NUDCD2: variants seen among roughly 807,000 people sequenced by gnomAD.
The protein encoded by NUDCD2 is nudC domain-containing protein 2.
A neutral mutation model predicts 20.8 loss-of-function variants in NUDCD2; 16 were observed. That is an observed-to-expected ratio of 0.77 (90% CI 0.52 to 1.17). The LOEUF (loss-of-function observed/expected upper bound fraction) is 1.17. Among genes scored for constraint, NUDCD2 ranks in the 50% most tolerant of loss-of-function variants. The pLI, the probability that NUDCD2 is intolerant of heterozygous loss-of-function variation, is 0.00. For missense variants in NUDCD2, 199 were observed against 193.9 expected, an observed-to-expected ratio of 1.03 and a Z score of -0.16; for synonymous variants, 87 against 72.8, an observed-to-expected ratio of 1.20 and a Z score of -1.00.
rs1191733115 is a variant in NUDCD2 at position 163,450,260 on chromosome 5, CAAAAAAA to C, written c.*3700_*3706del. On this transcript the variant is annotated 3_prime_UTR_variant, in exon 4 of 4. Coordinates refer to ENST00000302764, the MANE Select transcript of NUDCD2 (RefSeq NM_145266.6). ...TGGGTGACAGAGTGAGAATGTGAGT[CAAAAAAA>C]GAAAAAAGAAAAATTCCTCATGACC... 2 of 151,414 alleles carry C rather than the reference CAAAAAAA, an allele frequency of 1.3e-5. No individual in the cohort carries two copies. Among genetic ancestry groups the C allele is most frequent in the Admixed American group, 6.6e-5 (1 of 15,198 alleles). The allele number at this position is 151,414 out of a possible 1,614,324, so 9.4% of individuals were successfully genotyped here.
In NUDCD2 at chr5:163,460,063, C is replaced by G. The variant is rs192464640; in HGVS notation, c.-13G>C. ...ACGGGGCCGACATAATCCAGTCCCT[C>G]CCGGCCGCGGCCGCACCAGGCGGAG... On this transcript the variant is annotated 5_prime_UTR_variant, in exon 1 of 4. Transcript: ENST00000302764. 2,480 of 1,537,726 alleles carry G rather than the reference C, an allele frequency of 1.6e-3. 37 individuals carry two copies. The African/African-American group carries it at 0.031, about 19-fold the overall frequency.
chr5:163,459,719 C>T, intron 1 of NUDCD2, 143 bp downstream of exon 1: 1 of 640,826 alleles, frequency 1.6e-6, no homozygotes, highest in South Asian at 2.2e-5. Flanking sequence ...GGGCTCTGAC[C>T]AGACCCAAAC....
rs1758122742 is a variant in NUDCD2 at position 163,449,513 on chromosome 5, C to A, written c.*4454G>T. The stretch of plus-strand genomic sequence containing the variant: ...CCTCATGTTCATGGATTGGAAGACA[C>A]AAAATTGCATTCAAAACCCCAGTAG... On this transcript the variant is annotated 3_prime_UTR_variant, in exon 4 of 4. Coordinates refer to ENST00000302764, the MANE Select transcript of NUDCD2 (RefSeq NM_145266.6). 6.6e-6 allele frequency: 1 copy of A among 152,116 alleles called. No homozygotes were observed. The highest frequency in any genetic ancestry group is 1.5e-5 in the Non-Finnish European group (1 of 68,034). The allele number at this position is 152,116 out of a possible 1,614,324, so 9.4% of individuals were successfully genotyped here.
In NUDCD2 at chr5:163,451,008, G is replaced by A. The variant is rs1758163065; in HGVS notation, c.*2959C>T. ...GCTCGAATATAGATGAACCTCTTAA[G>A]ACATGTAAAGTGAAGGAAGCCAGTA... On this transcript the variant is annotated 3_prime_UTR_variant, in exon 4 of 4. Coordinates refer to ENST00000302764, the MANE Select transcript of NUDCD2 (RefSeq NM_145266.6). The A allele has an allele frequency of 6.6e-6, 1 of 152,166 alleles. No individual in the cohort carries two copies. The highest frequency in any genetic ancestry group is 1.5e-5 in the Non-Finnish European group (1 of 68,032). The allele number at this position is 152,166 out of a possible 1,614,324, so 9.4% of individuals were successfully genotyped here. A position where few individuals can be genotyped will look rare whatever the true frequency, so the allele number is the denominator to read the frequency against.
At position 163,457,979 on chromosome 5, in the gene NUDCD2, CTTTTTTTTTTTTTT is replaced by C. The variant is rs540496894; in HGVS notation, c.190-383_190-370del. On this transcript the variant is annotated intron_variant, in intron 1 of 3. Coordinates refer to ENST00000302764, the MANE Select transcript of NUDCD2 (RefSeq NM_145266.6). ...TCCTGCTAAAACTAAAAAATGTTGT[CTTTTTTTTTTTTTT>C]TTTTTTTTTTTTTGAGACAGAGTTT... is the stretch of plus-strand genomic sequence containing the variant. 3.8e-3 allele frequency among the ~76,000 whole-genome samples: 281 copies of C among 73,748 alleles called. 8 individuals are homozygous for C. The highest frequency in any genetic ancestry group is 0.016 in the African/African-American group (264 of 16,956). The allele number at this position is 73,748 out of a possible 152,430, so 48.4% of individuals were successfully genotyped here.
chr5:163,451,417 C>T lies in NUDCD2; in HGVS notation c.*2550G>A, dbSNP rs1312920587. The T allele has an allele frequency of 2.0e-5, 3 of 151,992 alleles. No homozygotes were observed. The highest frequency in any genetic ancestry group is 4.8e-5 in the African/African-American group (2 of 41,364). 9.4% of individuals were successfully genotyped at this position (151,992 alleles called of 1,614,324 possible). A position where few individuals can be genotyped will look rare whatever the true frequency, so the allele number is the denominator to read the frequency against. On this transcript the variant is annotated 3_prime_UTR_variant, in exon 4 of 4. Coordinates refer to ENST00000302764, the MANE Select transcript of NUDCD2 (RefSeq NM_145266.6). ...GGGTGTGTAGAGTACAAAGAGAGCA[C>T]GAGAGTTTTTACGGTGATTGAACTC...
In NUDCD2 at chr5:163,450,494, T is replaced by C. The variant is rs1179983837; in HGVS notation, c.*3473A>G. On this transcript the variant is annotated 3_prime_UTR_variant, in exon 4 of 4. Coordinates refer to ENST00000302764, the MANE Select transcript of NUDCD2 (RefSeq NM_145266.6). ...GACTCTTACTACCCAATAAGACAAC[T>C]AAAAAAATGGGTAAATAATTTGAAT... The C allele has an allele frequency of 6.6e-6, 1 of 151,818 alleles. No homozygotes were observed. Among genetic ancestry groups the C allele is most frequent in the Non-Finnish European group, 1.5e-5 (1 of 67,950 alleles). The allele number at this position is 151,818 out of a possible 1,614,324, so 9.4% of individuals were successfully genotyped here.
At chr5:163,455,145 G>GAA (rs543151722) in intron 3 of NUDCD2, among the ~76,000 whole-genome samples, 4 of 115,008 alleles carry the variant, frequency 3.5e-5, no homozygotes, top group Admixed American at 8.7e-5. Context: ...AAGTGACACA[G>GAA]AAAAAAAAAA....
Position 163,448,506 on chromosome 5 carries a change from T to G in NUDCD2, c.*5461A>C, listed in dbSNP as rs1758100183. On this transcript the variant is annotated 3_prime_UTR_variant, in exon 4 of 4. Coordinates refer to ENST00000302764, the MANE Select transcript of NUDCD2 (RefSeq NM_145266.6). The stretch of plus-strand genomic sequence containing the variant: ...AAATAAACCTCAATAAATTCTCTAT[T>G]TTTAAAAATTGAACCATTGTTTAAA... The G allele has an allele frequency of 6.6e-6, 1 of 152,144 alleles. No homozygotes were observed. The highest frequency in any genetic ancestry group is 2.4e-5 in the African/African-American group (1 of 41,456). 9.4% of individuals were successfully genotyped at this position (152,144 alleles called of 1,614,324 possible).
chr5:163,456,326 A>G (rs1266923799), intron 3 of NUDCD2, among the ~76,000 whole-genome samples: 1 of 152,238 alleles, frequency 6.6e-6, no homozygotes, highest in African/African-American at 2.4e-5. Flanking sequence ...TTTCTTTAAA[A>G]TAGAGAAAAA....
rs1379584228 is a variant in NUDCD2 at position 163,449,456 on chromosome 5, A to G, written c.*4511T>C. On this transcript the variant is annotated 3_prime_UTR_variant, in exon 4 of 4. Coordinates refer to ENST00000302764, the MANE Select transcript of NUDCD2 (RefSeq NM_145266.6). ...TGCTGAAAAATGACATAAAATGCTG[A>G]TAACTGAAATGAAAGAGGTCCTAAA... is the stretch of plus-strand genomic sequence containing the variant. 6.6e-6 allele frequency: 1 copy of G among 152,254 alleles called. No individual in the cohort carries two copies. Among genetic ancestry groups the G allele is most frequent in the Non-Finnish European group, 1.5e-5 (1 of 68,040 alleles). 9.4% of individuals were successfully genotyped at this position (152,254 alleles called of 1,614,324 possible).
Position 163,453,978 on chromosome 5 carries a change from G to C in NUDCD2, c.463C>G (p.Leu155Val). The change falls in exon 4 of 4, where the codon CTT becomes GTT. Residue 155 changes from leucine to valine, a missense_variant. Coordinates refer to ENST00000302764, the MANE Select transcript of NUDCD2 (RefSeq NM_145266.6). ...YTKGGPDFSN[L>V]EK is the part of the protein sequence containing the mutation. ...AGGAAAAAAAGCAGTTATTTCTCAA[G>C]GTTTGAGAAATCTGGTCCACCTTTA... 1 of 1,529,926 alleles carries C rather than the reference G, an allele frequency of 6.5e-7. No individual in the cohort carries two copies. Among genetic ancestry groups the C allele is most frequent in the Non-Finnish European group, 8.8e-7 (1 of 1,131,782 alleles). The allele number at this position is 1,529,926 out of a possible 1,614,324, so 94.8% of individuals were successfully genotyped here.
At position 163,449,793 on chromosome 5, in the gene NUDCD2, A is replaced by G. The variant is rs1758131156; in HGVS notation, c.*4174T>C. The stretch of plus-strand genomic sequence containing the variant: ...CAATTGATTTCTGACAAAGGTGAAA[A>G]GACAACTCAATGGGGAATGGAGAGT... On this transcript the variant is annotated 3_prime_UTR_variant, in exon 4 of 4. Coordinates refer to ENST00000302764, the MANE Select transcript of NUDCD2 (RefSeq NM_145266.6). The G allele has an allele frequency of 6.6e-6, 1 of 152,202 alleles. No individual in the cohort carries two copies. Among genetic ancestry groups the G allele is most frequent in the African/African-American group, 2.4e-5 (1 of 41,456 alleles). The allele number at this position is 152,202 out of a possible 1,614,324, so 9.4% of individuals were successfully genotyped here.
chr5:163,458,631 A>T (rs1339406902), intron 1 of NUDCD2, among the ~76,000 whole-genome samples: 1 of 152,088 alleles, frequency 6.6e-6, no homozygotes, highest in Admixed American at 6.6e-5. Flanking sequence ...CTAAACTCAA[A>T]TCCATTTTAA....
rs570218853 is a variant in NUDCD2 at position 163,448,547 on chromosome 5, T to A, written c.*5420A>T. 2.0e-5 allele frequency: 3 copies of A among 152,262 alleles called. No homozygotes were observed. The South Asian group carries it at 6.2e-4, about 31-fold the overall frequency. The allele number at this position is 152,262 out of a possible 1,614,324, so 9.4% of individuals were successfully genotyped here. On this transcript the variant is annotated 3_prime_UTR_variant, in exon 4 of 4. Transcript: ENST00000302764. ...ATTGTTTAAAACCTTACTAGCAAAT[T>A]CATAAAACATTTAAAGATATAACAA...
Position 163,459,934 on chromosome 5 carries a change from G to A in NUDCD2, c.117C>T (p.Arg39=), listed in dbSNP as rs141206788. 2.7e-5 allele frequency: 43 copies of A among 1,613,250 alleles called. No homozygotes were observed. The highest frequency in any genetic ancestry group is 3.3e-4 in the Middle Eastern group (2 of 6,076). ...FIEVQVPPGT[R]AQDIQCGLQS... is the part of the protein sequence containing the mutation. ...GGAGGCCGCACTGGATATCCTGGGC[G>A]CGCGTGCCTGGCGGCACCTGAACTT... Residue 39 remains arginine (R), a synonymous_variant, in exon 1 of 4, where the codon CGC becomes CGT. Coordinates refer to ENST00000302764, the MANE Select transcript of NUDCD2 (RefSeq NM_145266.6).
intron 2 of NUDCD2, 59 bp from the exon 3 acceptor site, chr5:163,457,139 G>GT (rs34746227): frequency 0.25 from 281,625 of 1,149,320 alleles, 2,641 homozygotes; most frequent in African/African-American, 0.29. Context: ...TCATCAAGTT[G>GT]TTTTTTTTTT....
At chr5:163,459,780 G>T in intron 1 of NUDCD2, 82 bp downstream of exon 1, 3 of 1,278,084 alleles carry the variant, frequency 2.3e-6, no homozygotes, top group Non-Finnish European at 2.2e-6. Context: ...GAGCCGTCGG[G>T]ACACCCAACA....
intron 3 of NUDCD2, 62 bp downstream of exon 3, chr5:163,456,867 A>C: frequency 2.7e-6 from 3 of 1,131,438 alleles, no homozygotes; most frequent in Non-Finnish European, 3.5e-6. Flanking sequence ...TTAATTTCAA[A>C]TATTTATTTG....
Sources: gnomAD v4.1 joint callset for allele counts (sites outside exome capture counted in the v4.1 genomes callset) on GRCh38, gnomAD v4.1.1 for gene constraint, MANE v1.5 for transcripts, NCBI Gene and HGNC (gene_info 2026-07-23, HGNC 2026-07-21) for gene names.